The following BUB1B variants were observed in gnomAD, a reference collection of about 807,000 sequenced individuals.
BUB1B encodes the protein BUB1 mitotic checkpoint serine/threonine kinase B.
Under a neutral mutation model 137.7 loss-of-function variants are expected in BUB1B, and 86 were observed. The ratio of observed to expected loss-of-function variants is 0.62; its 90% CI spans 0.52 to 0.75. The LOEUF (loss-of-function observed/expected upper bound fraction) is 0.75, where lower values mean the gene tolerates loss of function less well. Ranked by LOEUF, BUB1B falls within the 30% of genes least tolerant of loss-of-function variation. The pLI, the probability that BUB1B is intolerant of heterozygous loss-of-function variation, is 0.00. For synonymous variants in BUB1B, 420 were observed against 417.9 expected (o/e 1.00, Z -0.06); for missense variants, 1,130 against 1,236.9 (o/e 0.91, Z 1.30).
chr15:40,199,544 C>T, intron 9 of BUB1B, 71 bp from the exon 10 acceptor site: 3 of 1,172,144 alleles, frequency 2.6e-6, no homozygotes, highest in Non-Finnish European at 2.5e-6. Context: ...AGGAGATGAG[C>T]TCCAAAGGCA....
Position 40,202,587 on chromosome 15 carries a change from A to G in BUB1B, c.1629-2A>G. 1 of 1,613,764 alleles carries G rather than the reference A, an allele frequency of 6.2e-7. No individual in the cohort carries two copies. Among genetic ancestry groups the G allele is most frequent in the South Asian group, 1.1e-5 (1 of 91,078 alleles). ...TGCTAAGTGAGGTATGTCTTTTTCC[A>G]GTCCTCCTGCAGATCCCCCACGAGT... On this transcript the variant is annotated splice_acceptor_variant, in intron 13 of 22. Transcript: ENST00000287598. LOFTEE classifies it high-confidence loss of function.
chr15:40,196,644 G>A lies in BUB1B; in HGVS notation c.1158G>A (p.Gln386=), dbSNP rs1187836547. 1 of 1,613,994 alleles carries A rather than the reference G, an allele frequency of 6.2e-7. No individual in the cohort carries two copies. The highest frequency in any genetic ancestry group is 1.1e-5 in the South Asian group (1 of 91,076). Residue 386 remains glutamine, a synonymous_variant, in exon 9 of 23, where the codon CAG becomes CAA. Transcript: ENST00000287598. ...CTCTACAAAGGGTTCAGAGCCATCAGCAAGCGTCTGAGGAGAAGAAAGAGA... is the reference window on the plus strand; with the variant it reads ...CTCTACAAAGGGTTCAGAGCCATCAACAAGCGTCTGAGGAGAAGAAAGAGA... The part of the protein sequence containing the change: ...GDPLQRVQSH[Q]QASEEKKEKM...
chr15:40,201,554 C>T (rs2037569198), intron 12 of BUB1B, among the ~76,000 whole-genome samples: 1 of 152,138 alleles, frequency 6.6e-6, no homozygotes. Flanking sequence ...AACAAAAATT[C>T]CCCCCAAAAC....
intron 1 of BUB1B, among the ~76,000 whole-genome samples, chr15:40,164,256 T>C (rs1468201529): frequency 1.3e-5 from 2 of 152,074 alleles, no homozygotes; most frequent in Admixed American, 1.3e-4. Context: ...TGAGACAGGG[T>C]CTTGCTCTGT....
intron 2 of BUB1B, chr15:40,166,507 T>G: frequency 3.4e-6 from 1 of 294,172 alleles, no homozygotes; most frequent in Non-Finnish European, 6.6e-6. Context: ...GCCCAGCTAA[T>G]TTTTTCTATT....
chr15:40,188,889 CTTTTTTTTCT>C lies in BUB1B; in HGVS notation c.1058+3258_1058+3267del, dbSNP rs1205794173. On this transcript the variant is annotated intron_variant, in intron 8 of 22. Coordinates refer to ENST00000287598, the MANE Select transcript of BUB1B (RefSeq NM_001211.6). ...AGCCACTGCACTCAGCCTTTTAAAG[CTTTTTTTTCT>C]TTTTTTTTCTAAACTTCATCGAAAT... 6.6e-5 allele frequency among the ~76,000 whole-genome samples: 10 copies of C among 151,790 alleles called. No homozygotes were observed. The East Asian group carries it at 1.9e-3, about 29-fold the overall frequency.
intron 20 of BUB1B, 34 bp from the exon 21 acceptor site, chr15:40,217,462 T>C: frequency 2.5e-6 from 4 of 1,611,132 alleles, no homozygotes; most frequent in Non-Finnish European, 3.4e-6. Flanking sequence ...CATGGCCTAT[T>C]TTTATTATCT....
chr15:40,162,006 G>C (rs1376762433), intron 1 of BUB1B, among the ~76,000 whole-genome samples: 1 of 152,170 alleles, frequency 6.6e-6, no homozygotes, highest in Admixed American at 6.5e-5. Context: ...GGATGAAGGT[G>C]GGGGAGTCAG....
rs1566830782 is a variant in BUB1B, at chr15:40,218,496, T to C, written c.2891T>C (p.Leu964Ser). 6.2e-7 allele frequency: 1 copy of C among 1,614,130 alleles called. No individual in the cohort carries two copies. Among genetic ancestry groups the C allele is most frequent in the Non-Finnish European group, 8.5e-7 (1 of 1,179,986 alleles). The stretch of plus-strand genomic sequence containing the variant: ...ATAGCAGATTTAGCACATTTACTAT[T>C]GTTCAAGGAACACCTACAGGTCTTC... ...FGIADLAHLL[L>S]FKEHLQVFWD... Residue 964 changes from leucine (L) to serine (S), a missense_variant, in exon 22 of 23, where the codon TTG becomes TCG. Leu to Ser is a moderately radical substitution (Grantham distance 145). Transcript: ENST00000287598.
At position 40,170,063 on chromosome 15, in the gene BUB1B, G is replaced by T; in HGVS notation, c.181G>T (p.Ala61Ser). ...TAACTTTTTCTGTTTACATTTCAGG[G>T]CATTTGAATATGAAATTCGATTTTA... ...CNNTLQQQKR[A>S]FEYEIRFYTG... The change falls in exon 3 of 23, where the codon GCA becomes TCA. Residue 61 changes from alanine to serine, a missense_variant and splice_region_variant. Physicochemically the swap from Ala to Ser is moderately conservative, Grantham distance 99 (BLOSUM62 1). Coordinates refer to ENST00000287598, the MANE Select transcript of BUB1B (RefSeq NM_001211.6). The T allele has an allele frequency of 6.2e-7, 1 of 1,613,256 alleles. No individual in the cohort carries two copies. The highest frequency in any genetic ancestry group is 8.5e-7 in the Non-Finnish European group (1 of 1,179,292).
Position 40,199,622 on chromosome 15 carries a change from A to G in BUB1B, c.1296A>G (p.Leu432=), listed in dbSNP as rs908144833. ...CAACTTTACTGTTTCTAGCCGAGCTATTGACCAGTGCAGAGAAGAGAGCAG... is the reference window on the plus strand; with the variant it reads ...CAACTTTACTGTTTCTAGCCGAGCTGTTGACCAGTGCAGAGAAGAGAGCAG... ...KKLKEQREAE[L]LTSAEKRAEM... is the part of the protein sequence containing the mutation. The change falls in exon 10 of 23, where the codon CTA becomes CTG. Residue 432 remains leucine, a synonymous_variant. Coordinates refer to ENST00000287598, the MANE Select transcript of BUB1B (RefSeq NM_001211.6). The G allele has an allele frequency of 1.9e-6, 3 of 1,613,730 alleles. No homozygotes were observed. The highest frequency in any genetic ancestry group is 2.2e-5 in the East Asian group (1 of 44,848).
chr15:40,199,687 A>G lies in BUB1B; in HGVS notation c.1361A>G (p.Lys454Arg), dbSNP rs373256667. The part of the protein sequence containing the change: ...KQIEEMEKKL[K>R]EIQTTQQERT... ...ATTGAAGAGATGGAGAAGAAGCTAA[A>G]AGAAATCCAAACTACTCAGCAAGAA... is the stretch of plus-strand genomic sequence containing the variant. The change falls in exon 10 of 23, where the codon AAA becomes AGA. Residue 454 changes from lysine (K) to arginine (R), a missense_variant. Coordinates refer to ENST00000287598, the MANE Select transcript of BUB1B (RefSeq NM_001211.6). 45 of 1,613,882 alleles carry G rather than the reference A, an allele frequency of 2.8e-5. No individual in the cohort carries two copies. The highest frequency in any genetic ancestry group is 1.6e-4 in the Middle Eastern group (1 of 6,080).
chr15:40,199,970 TATTA>T, intron 10 of BUB1B: 1 of 583,564 alleles, frequency 1.7e-6, no homozygotes, highest in Non-Finnish European at 3.0e-6. Context: ...ATCATTATGT[TATTA>T]ATTCTGGCTT....
rs1047130 is a variant in BUB1B, at chr15:40,196,650, G to A, written c.1164G>A (p.Ala388=). The A allele has an allele frequency of 0.29, 471,045 of 1,613,594 alleles. 72,408 individuals are homozygous for A. Among genetic ancestry groups the A allele is most frequent in the Admixed American group, 0.34 (20,130 of 59,982 alleles). ...AAAGGGTTCAGAGCCATCAGCAAGC[G>A]TCTGAGGAGAAGAAAGAGAAGATGA... ...PLQRVQSHQQ[A]SEEKKEKMMY... is the part of the protein sequence containing the mutation. The change falls in exon 9 of 23, where the codon GCG becomes GCA. Residue 388 remains alanine, a synonymous_variant. Transcript: ENST00000287598.
chr15:40,176,427 C>T, intron 4 of BUB1B, 50 bp from the exon 5 acceptor site: 6 of 1,507,112 alleles, frequency 4.0e-6, no homozygotes, highest in Non-Finnish European at 5.5e-6. Context: ...AACTAATAGG[C>T]ATTCAATACG....
At chr15:40,206,028 C>G (rs1296639263) in intron 14 of BUB1B, among the ~76,000 whole-genome samples, 156 bp from the exon 15 acceptor site, 3 of 152,146 alleles carry the variant, frequency 2.0e-5, no homozygotes, top group Non-Finnish European at 4.4e-5. Context: ...GTATAGTTTA[C>G]TGTGTTCATG....
At chr15:40,183,448 C>G (rs2140889614) in intron 5 of BUB1B, among the ~76,000 whole-genome samples, 1 of 152,272 alleles carries the variant, frequency 6.6e-6, no homozygotes, top group East Asian at 1.9e-4. Context: ...ACCTGATCCT[C>G]AGATCAACTT....
chr15:40,201,054 T>G (rs2037562643), intron 12 of BUB1B, 74 bp downstream of exon 12: 9 of 1,405,440 alleles, frequency 6.4e-6, no homozygotes, highest in Non-Finnish European at 9.0e-6. Flanking sequence ...GTAAATATTT[T>G]TAATTATGAT....
intron 14 of BUB1B, 135 bp from the exon 15 acceptor site, chr15:40,206,049 C>G: frequency 1.1e-6 from 1 of 885,400 alleles, no homozygotes; most frequent in Non-Finnish European, 1.7e-6. Flanking sequence ...ATATAAAAAC[C>G]TTTTTATATT....
Sources: gnomAD v4.1 joint callset for allele counts (sites outside exome capture counted in the v4.1 genomes callset) on GRCh38, gnomAD v4.1.1 for gene constraint, MANE v1.5 for transcripts, NCBI Gene and HGNC (gene_info 2026-07-23, HGNC 2026-07-21) for gene names.